Variants in NFATC1 observed in about 807,000 individuals in gnomAD.
NFATC1 encodes the protein nuclear factor of activated T cells 1.
NFATC1 carries 22 observed loss-of-function variants against 76.0 expected under a neutral mutation model. That is an observed-to-expected ratio of 0.29 (90% confidence interval 0.21 to 0.41). The LOEUF (loss-of-function observed/expected upper bound fraction) is 0.41. Ranked by LOEUF, NFATC1 falls within the 10% of genes least tolerant of loss-of-function variation. NFATC1 has a pLI of 1.00. For missense variants in NFATC1, 1,357 were observed against 1,337.7 expected (o/e 1.01, Z -0.23); for synonymous variants, 704 against 613.1 (o/e 1.15, Z -2.19).
At chr18:79,511,695 G>A (rs2090258031) in intron 9 of NFATC1, among the ~76,000 whole-genome samples, 1 of 152,126 alleles carries the variant, frequency 6.6e-6, no homozygotes, top group Admixed American at 6.5e-5. Flanking sequence ...CCTCCCAGAG[G>A]TGCTCCCCTG....
rs537507370 is a variant in NFATC1, at chr18:79,528,528, G to T, written c.*951G>T. The T allele has an allele frequency of 1.3e-5, 2 of 152,206 alleles. No homozygotes were observed. Among genetic ancestry groups the T allele is most frequent in the African/African-American group, 4.8e-5 (2 of 41,434 alleles). The allele number at this position is 152,206 out of a possible 1,614,324, so 9.4% of individuals were successfully genotyped here. The stretch of plus-strand genomic sequence containing the variant: ...GCTGGCGTCCATCGCCGCCTCGGAC[G>T]GCCGTGCATTTTCTCGTCTCACGCA... On this transcript the variant is annotated 3_prime_UTR_variant, in exon 10 of 10. Coordinates refer to ENST00000427363, the MANE Select transcript of NFATC1 (RefSeq NM_001278669.2).
chr18:79,455,370 G>A (rs1030380400), intron 6 of NFATC1, among the ~76,000 whole-genome samples: 21 of 147,828 alleles, frequency 1.4e-4, no homozygotes, highest in African/African-American at 5.3e-4. Context: ...GCCAGCTGGG[G>A]CCTGGACGGC....
Position 79,449,050 on chromosome 18 carries a change from T to TC in NFATC1, c.1589+69dup, listed in dbSNP as rs908837520. ...AGGAGGGGGCGTGCCTCCCTCCCAG[T>TC]CCCGGGGGGTCTGGCCAGCCCCCCG... On this transcript the variant is annotated intron_variant, in intron 4 of 9. Coordinates refer to ENST00000427363, the MANE Select transcript of NFATC1 (RefSeq NM_001278669.2). 177 of 1,518,230 alleles carry TC rather than the reference T, an allele frequency of 1.2e-4. No individual in the cohort carries two copies. The African/African-American group carries it at 2.2e-3, about 19-fold the overall frequency. 94.0% of individuals were successfully genotyped at this position (1,518,230 alleles called of 1,614,324 possible).
Position 79,486,629 on chromosome 18 carries a change from A to G in NFATC1, c.2474A>G (p.Gln825Arg). The G allele has an allele frequency of 6.2e-7, 1 of 1,601,400 alleles. No homozygotes were observed. Among genetic ancestry groups the G allele is most frequent in the Non-Finnish European group, 8.5e-7 (1 of 1,177,328 alleles). Residue 825 changes from glutamine (Q) to arginine (R), a missense_variant, in exon 9 of 10, where the codon CAG (glutamine) becomes CGG (arginine). By Grantham distance (43) the Gln-to-Arg change is conservative. This residue lies in a region of NFATC1 where 424 missense variants were observed against 395.4 expected (regional missense o/e 1.07). Transcript: ENST00000427363. ...GQPPPALLPQ[Q>R]VSAPPSSSCP... Reference sequence around the variant, plus strand: ...CCACCCCCGGCCCTGCTGCCACAGCAGGTGAGTGCGCCTCCAAGCAGTAGC... The same window carrying G: ...CCACCCCCGGCCCTGCTGCCACAGCGGGTGAGTGCGCCTCCAAGCAGTAGC...
chr18:79,444,104 T>C (rs562124250), intron 3 of NFATC1, among the ~76,000 whole-genome samples: 5 of 152,246 alleles, frequency 3.3e-5, no homozygotes, highest in Admixed American at 3.3e-4. Flanking sequence ...CAGGTAGAAA[T>C]AAAACCTGAA....
intron 8 of NFATC1, among the ~76,000 whole-genome samples, chr18:79,481,532 C>G (rs919022116): frequency 6.6e-6 from 1 of 152,266 alleles, no homozygotes; most frequent in Non-Finnish European, 1.5e-5. Context: ...TCTGTGAACC[C>G]TCAGCTGAAG....
intron 2 of NFATC1, among the ~76,000 whole-genome samples, chr18:79,415,347 A>G (rs1189261433): frequency 6.6e-6 from 1 of 152,142 alleles, no homozygotes; most frequent in Non-Finnish European, 1.5e-5. Flanking sequence ...CAGTGGCACA[A>G]TCTCGGCTCA....
At chr18:79,444,757 A>G (rs1051434074) in intron 3 of NFATC1, among the ~76,000 whole-genome samples, 3 of 142,256 alleles carry the variant, frequency 2.1e-5, no homozygotes, top group Non-Finnish European at 4.4e-5. Flanking sequence ...GACCCCACAG[A>G]CCACACCGGC....
chr18:79,449,081 C>A, intron 4 of NFATC1, 97 bp downstream of exon 4: 1 of 1,230,012 alleles, frequency 8.1e-7, no homozygotes, highest in South Asian at 1.4e-5. Flanking sequence ...CCCCGCACTT[C>A]CAGGCTGCGT....
chr18:79,461,456 T>C (rs879135806), intron 7 of NFATC1, 90 bp downstream of exon 7: 15 of 881,502 alleles, frequency 1.7e-5, no homozygotes, highest in Admixed American at 1.5e-4. Flanking sequence ...TCCCCAGGCC[T>C]TGGGAGGCTG....
At chr18:79,425,938 G>A (rs1294069313) in intron 2 of NFATC1, among the ~76,000 whole-genome samples, 2 of 152,194 alleles carry the variant, frequency 1.3e-5, no homozygotes, top group East Asian at 3.9e-4. Context: ...CTGCACCAGC[G>A]TGGCAGCTCA....
chr18:79,411,138 A>C lies in NFATC1; in HGVS notation c.863A>C (p.His288Pro). The C allele has an allele frequency of 6.2e-7, 1 of 1,612,082 alleles. No homozygotes were observed. The highest frequency in any genetic ancestry group is 8.5e-7 in the Non-Finnish European group (1 of 1,179,744). ...CACCACTCGCCCACGCCGTCCCCGC[A>C]CGGCTCCCCGCGGGTCAGCGTGACC... ...SPHHSPTPSPHGSPRVSVTDD... is the reference protein window; with the variant it reads ...SPHHSPTPSPPGSPRVSVTDD... The change falls in exon 2 of 10, where the codon CAC becomes CCC. Residue 288 changes from histidine to proline, a missense_variant. Around this residue, in one of 3 missense-constraint regions of NFATC1, gnomAD observed 691 missense variants for 613.1 expected, o/e 1.13. Coordinates refer to ENST00000427363, the MANE Select transcript of NFATC1 (RefSeq NM_001278669.2).
chr18:79,448,954 C>T lies in NFATC1; in HGVS notation c.1559C>T (p.Pro520Leu), dbSNP rs2087337423. Residue 520 changes from proline (P) to leucine (L), a missense_variant, in exon 4 of 10, where the codon CCA becomes CTA. Around this residue, in one of 3 missense-constraint regions of NFATC1, gnomAD observed 242 missense variants for 329.2 expected, o/e 0.74. Transcript: ENST00000427363. ...TCCAACACCAAAGTCCTGGAGATCCCACTCCTGCCGGAGAACAGCATGCGA... is the reference window on the plus strand; with the variant it reads ...TCCAACACCAAAGTCCTGGAGATCCTACTCCTGCCGGAGAACAGCATGCGA... ...ILSNTKVLEI[P>L]LLPENSMRAV... The T allele has an allele frequency of 6.2e-7, 1 of 1,613,420 alleles. No individual in the cohort carries two copies. The highest frequency in any genetic ancestry group is 1.1e-5 in the South Asian group (1 of 91,082).
rs61731547 is a variant in NFATC1, at chr18:79,410,981, C to G, written c.706C>G (p.His236Asp). 4 of 1,604,348 alleles carry G rather than the reference C, an allele frequency of 2.5e-6. No homozygotes were observed. The highest frequency in any genetic ancestry group is 1.3e-5 in the African/African-American group (1 of 74,804). Reference sequence around the variant, plus strand: ...CTGCACACTGCTGGGTTCCCCGCGGCACTCCCCCTCCACCTCGCCCCGCGC... The same window carrying G: ...CTGCACACTGCTGGGTTCCCCGCGGGACTCCCCCTCCACCTCGCCCCGCGC... ...GACTLLGSPR[H>D]SPSTSPRASV... Residue 236 changes from histidine (H) to aspartate (D), a missense_variant, in exon 2 of 10, where the codon CAC becomes GAC. This residue lies in a region of NFATC1 where 691 missense variants were observed against 613.1 expected (regional missense o/e 1.13). Coordinates refer to ENST00000427363, the MANE Select transcript of NFATC1 (RefSeq NM_001278669.2). The surrounding 1 kb of genome is among the most constrained non-coding windows in gnomAD (Gnocchi z 6.7).
At chr18:79,399,279 G>A (rs2085102984) in intron 1 of NFATC1, among the ~76,000 whole-genome samples, 7 of 152,264 alleles carry the variant, frequency 4.6e-5, no homozygotes, top group Admixed American at 4.6e-4. Context: ...GCCAGTGAAA[G>A]GGTCGCGGGA....
chr18:79,495,684 G>T (rs571955596), intron 9 of NFATC1, among the ~76,000 whole-genome samples: 3 of 152,278 alleles, frequency 2.0e-5, no homozygotes, highest in Admixed American at 2.0e-4. Flanking sequence ...GTTCAGCCGC[G>T]ACTGCGCGTC....
intron 9 of NFATC1, among the ~76,000 whole-genome samples, chr18:79,495,144 A>G (rs2145111154): frequency 6.6e-6 from 1 of 152,374 alleles, no homozygotes; most frequent in East Asian, 1.9e-4. Flanking sequence ...TGGGCTGTGC[A>G]CATCCCGTGT....
chr18:79,444,341 G>A lies in NFATC1; in HGVS notation c.1387-4441G>A, dbSNP rs192122716. Reference sequence around the variant, plus strand: ...TCAGGCCTGAGTCTCCAGCCATGGCGTCCCCGTTCCTCCCGTTCCTTCTCT... The same window carrying A: ...TCAGGCCTGAGTCTCCAGCCATGGCATCCCCGTTCCTCCCGTTCCTTCTCT... On this transcript the variant is annotated intron_variant, in intron 3 of 9. Transcript: ENST00000427363. Among the ~76,000 whole-genome samples the A allele has an allele frequency of 3.4e-3, 521 of 152,296 alleles. 2 individuals carry two copies. Among genetic ancestry groups the A allele is most frequent in the African/African-American group, 0.012 (497 of 41,564 alleles).
intron 8 of NFATC1, among the ~76,000 whole-genome samples, chr18:79,476,995 C>T (rs1264926894): frequency 6.6e-6 from 1 of 152,368 alleles, no homozygotes; most frequent in East Asian, 1.9e-4. Context: ...TTCTCTGTCT[C>T]CCACATCAGG....
Sources: gnomAD v4.1 joint callset for allele counts (sites outside exome capture counted in the v4.1 genomes callset) on GRCh38, gnomAD v4.1.1 for gene constraint, gnomAD v4.1.1 regional missense constraint, Gnocchi (gnomAD v3.1) non-coding constraint, MANE v1.5 for transcripts, NCBI Gene and HGNC (gene_info 2026-07-23, HGNC 2026-07-21) for gene names.